Variants in P2RY8 observed in about 807,000 individuals in gnomAD.
The protein encoded by P2RY8 is P2Y receptor family member 8.
Under a neutral mutation model 10.0 loss-of-function variants are expected in P2RY8, and 6 were observed. The observed-to-expected ratio is 0.60, with a 90% confidence interval of 0.33 to 1.19. The LOEUF is 1.19. Among genes scored for constraint, P2RY8 ranks in the 50% most tolerant of loss-of-function variants. The pLI, the probability that P2RY8 is intolerant of heterozygous loss-of-function variation, is 0.04. For missense variants in P2RY8, 456 were observed against 542.0 expected, an observed-to-expected ratio of 0.84 and a Z score of 1.58; for synonymous variants, 276 against 252.5, an observed-to-expected ratio of 1.09 and a Z score of -0.88.
At position 1,465,895 on chromosome X, in the gene P2RY8, G is replaced by C; in HGVS notation, c.664C>G (p.Arg222Gly). The C allele has an allele frequency of 6.2e-7, 1 of 1,612,428 alleles. No individual in the cohort carries two copies. The highest frequency in any genetic ancestry group is 8.5e-7 in the Non-Finnish European group (1 of 1,179,708). ...TCCCGGCCGTGCGCCTCCTCCGTGC[G>C]CAACAGCTTGAGGATGGTGGCCGTG... ...CYTATILKLL[R>G]TEEAHGREQR... is the part of the protein sequence containing the mutation. The change falls in exon 2 of 2, where the codon CGC becomes GGC. Residue 222 changes from arginine to glycine, a missense_variant. Coordinates refer to ENST00000381297, the MANE Select transcript of P2RY8 (RefSeq NM_178129.5).
intron 1 of P2RY8, among the ~76,000 whole-genome samples, chrX:1,509,774 T>TATCTATCTATCTATCTATC (rs2092282217): frequency 7.8e-6 from 1 of 127,726 alleles, no homozygotes; most frequent in East Asian, 2.2e-4. Flanking sequence ...TCTATCTATC[T>TATCTATCTATCTATCTATC]ATCTATCATC....
intron 1 of P2RY8, among the ~76,000 whole-genome samples, chrX:1,481,090 C>A (rs1319704986): frequency 2.0e-5 from 3 of 151,924 alleles, no homozygotes; most frequent in Admixed American, 6.6e-5. Flanking sequence ...GATGAAGTAC[C>A]GGAACTCTCA....
Position 1,465,602 on chromosome X carries a change from G to C in P2RY8, c.957C>G (p.Asp319Glu). 1 of 1,613,222 alleles carries C rather than the reference G, an allele frequency of 6.2e-7. No homozygotes were observed. The highest frequency in any genetic ancestry group is 8.5e-7 in the Non-Finnish European group (1 of 1,179,812). ...CGGAGAAGAGGCTCTCGCGGCGCGT[G>C]TCCAGGGTGTCTCTGGGCACCCGGC... ...GCRRVPRDTL[D>E]TRRESLFSAR... Residue 319 changes from aspartate to glutamate, a missense_variant, in exon 2 of 2, where the codon GAC becomes GAG. Coordinates refer to ENST00000381297, the MANE Select transcript of P2RY8 (RefSeq NM_178129.5).
At chrX:1,493,440 G>GAGGGAGGGA (rs2092083810) in intron 1 of P2RY8, among the ~76,000 whole-genome samples, 8 of 13,860 alleles carry the variant, frequency 5.8e-4, no homozygotes, top group African/African-American at 1.6e-3. Flanking sequence ...GGGAGGGAAG[G>GAGGGAGGGA]AGGAGGAAGG....
chrX:1,486,281 T>C (rs1164207031), intron 1 of P2RY8, among the ~76,000 whole-genome samples: 6 of 152,122 alleles, frequency 3.9e-5, no homozygotes, highest in African/African-American at 1.4e-4. Flanking sequence ...TGCAGCACTC[T>C]TCACAACAGC....
rs765223819 is a variant in P2RY8, at chrX:1,495,288, AT to A, written c.-24-28707del. Among the ~76,000 whole-genome samples the A allele has an allele frequency of 2.6e-5, 4 of 152,270 alleles. No individual in the cohort carries two copies. In the East Asian group the frequency reaches 7.7e-4, roughly 29 times the overall value. ...GGCTGCATTGTACCCTCCCAAATTC[AT>A]ACGTTAAAGTCCTAACCCCTAGGAC... On this transcript the variant is annotated intron_variant, in intron 1 of 1. Transcript: ENST00000381297.
intron 1 of P2RY8, among the ~76,000 whole-genome samples, chrX:1,483,763 C>T (rs1256834217): frequency 1.7e-4 from 26 of 152,078 alleles, no homozygotes; most frequent in Non-Finnish European, 3.7e-4. Context: ...GAGCTGAGCT[C>T]CCCAAAACCC....
At chrX:1,526,991 T>G (rs1343022976) in intron 1 of P2RY8, among the ~76,000 whole-genome samples, 2 of 152,196 alleles carry the variant, frequency 1.3e-5, no homozygotes, top group African/African-American at 4.8e-5. Context: ...CCTCCCGGGT[T>G]CAAGGGATTC....
chrX:1,480,199 A>G (rs1476911176), intron 1 of P2RY8, among the ~76,000 whole-genome samples: 2 of 152,190 alleles, frequency 1.3e-5, no homozygotes, highest in Non-Finnish European at 2.9e-5. Flanking sequence ...TCACACCCTC[A>G]TCAACAAGGG....
intron 1 of P2RY8, among the ~76,000 whole-genome samples, chrX:1,478,028 C>T (rs1344869464): frequency 6.6e-6 from 1 of 152,064 alleles, no homozygotes; most frequent in Admixed American, 6.6e-5. Flanking sequence ...GAGGAGGAGA[C>T]CTGGTCTTCA....
At chrX:1,474,639 T>G in intron 1 of P2RY8, among the ~76,000 whole-genome samples, 1 of 129,952 alleles carries the variant, frequency 7.7e-6, no homozygotes, top group African/African-American at 3.0e-5. Context: ...TGGATCAGTG[T>G]TTAGGTGGTT....
At chrX:1,524,878 CATCCATCCATCT>C (rs2092429355) in intron 1 of P2RY8, among the ~76,000 whole-genome samples, 2 of 102,032 alleles carry the variant, frequency 2.0e-5, no homozygotes, top group African/African-American at 6.8e-5. Context: ...TCCACTCATC[CATCCATCCATCT>C]ATCCATCCAT....
intron 1 of P2RY8, among the ~76,000 whole-genome samples, chrX:1,475,871 A>G (rs141447637): frequency 6.6e-6 from 1 of 152,294 alleles, no homozygotes; most frequent in Non-Finnish European, 1.5e-5. Context: ...AGTGGAGCAT[A>G]TAGATTATGA....
intron 1 of P2RY8, among the ~76,000 whole-genome samples, chrX:1,509,161 T>TCTATCTATCTA (rs2092269272): frequency 2.8e-5 from 4 of 144,562 alleles, no homozygotes; most frequent in Admixed American, 6.9e-5. Context: ...TATCCATCCA[T>TCTATCTATCTA]TCTATCTATC....
intron 1 of P2RY8, among the ~76,000 whole-genome samples, chrX:1,524,543 A>C (rs370309408): frequency 0.73 from 61,505 of 84,196 alleles, 24,170 homozygotes; most frequent in East Asian, 0.95. Context: ...CCATCCATCC[A>C]TCCATCCATG....
Position 1,525,396 on chromosome X carries a change from A to C in P2RY8, c.-25+11525T>G, listed in dbSNP as rs1439450226. ...CTTCTAAGAAGAGACTGGGACGCAG[A>C]CATGCACAGAGGGAAGATTGCTGTG... On this transcript the variant is annotated intron_variant, in intron 1 of 1. Coordinates refer to ENST00000381297, the MANE Select transcript of P2RY8 (RefSeq NM_178129.5). Among the ~76,000 whole-genome samples, 3 of 152,204 alleles carry C rather than the reference A, an allele frequency of 2.0e-5. No homozygotes were observed. The East Asian group carries it at 5.8e-4, about 29-fold the overall frequency.
At chrX:1,535,458 G>A (rs1248176491) in intron 1 of P2RY8, among the ~76,000 whole-genome samples, 1 of 151,724 alleles carries the variant, frequency 6.6e-6, no homozygotes, top group Non-Finnish European at 1.5e-5. Context: ...AAAGTGCTGG[G>A]ATTACAGGCG....
At chrX:1,530,529 C>G (rs1348850056) in intron 1 of P2RY8, among the ~76,000 whole-genome samples, 3 of 147,634 alleles carry the variant, frequency 2.0e-5, no homozygotes, top group African/African-American at 7.3e-5. Flanking sequence ...TATGTACGTA[C>G]ATATGTATGT....
chrX:1,504,271 G>A (rs1401319938), intron 1 of P2RY8, among the ~76,000 whole-genome samples: 1 of 151,174 alleles, frequency 6.6e-6, no homozygotes, highest in East Asian at 1.9e-4. Context: ...AGCCGAGATG[G>A]CGCCACTGCA....
Sources: gnomAD v4.1 joint callset for allele counts (sites outside exome capture counted in the v4.1 genomes callset) on GRCh38, gnomAD v4.1.1 for gene constraint, MANE v1.5 for transcripts, NCBI Gene and HGNC (gene_info 2026-07-23, HGNC 2026-07-21) for gene names.